The following PACRG variants were observed in gnomAD, a reference collection of about 807,000 sequenced individuals.
PACRG encodes the protein parkin coregulated.
Under a neutral mutation model 29.7 loss-of-function variants are expected in PACRG, and 29 were observed. The observed-to-expected ratio is 0.98, with a 90% CI of 0.73 to 1.33. PACRG has a LOEUF of 1.33. PACRG is among the 40% of genes most tolerant of loss of function. The pLI, the probability that PACRG is intolerant of heterozygous loss-of-function variation, is 0.00. For synonymous variants in PACRG, 116 were observed against 118.7 expected, an observed-to-expected ratio of 0.98 and a Z score of 0.15; for missense variants, 279 against 316.2, an observed-to-expected ratio of 0.88 and a Z score of 0.89.
intron 2 of PACRG, among the ~76,000 whole-genome samples, chr6:163,056,729 C>T (rs1810623093): frequency 6.6e-6 from 1 of 152,160 alleles, no homozygotes; most frequent in East Asian, 1.9e-4. Flanking sequence ...CTGAAAATCT[C>T]AGAGGCATTC....
intron 2 of PACRG, among the ~76,000 whole-genome samples, chr6:162,829,309 A>G (rs558952416): frequency 6.6e-6 from 1 of 152,368 alleles, no homozygotes; most frequent in African/African-American, 2.4e-5. Context: ...CAGCTCATGA[A>G]CTTTTTTGGG....
At chr6:163,253,944 G>C (rs1252178396) in intron 4 of PACRG, among the ~76,000 whole-genome samples, 1 of 152,192 alleles carries the variant, frequency 6.6e-6, no homozygotes, top group East Asian at 1.9e-4. Flanking sequence ...GGGGAGCCAG[G>C]GTGGACGGCT....
chr6:163,001,312 A>G (rs1804569185), intron 2 of PACRG, among the ~76,000 whole-genome samples: 1 of 152,234 alleles, frequency 6.6e-6, no homozygotes, highest in East Asian at 1.9e-4. Context: ...GCTACTGGCC[A>G]CGGGGAGATC....
intron 2 of PACRG, among the ~76,000 whole-genome samples, chr6:163,010,354 C>T (rs1209702814): frequency 3.9e-5 from 6 of 152,176 alleles, no homozygotes; most frequent in South Asian, 2.1e-4. Context: ...GAATTGAGGA[C>T]GTCATGCTGA....
intron 2 of PACRG, among the ~76,000 whole-genome samples, chr6:162,992,088 G>A (rs1803479924): frequency 7.0e-6 from 1 of 143,310 alleles, no homozygotes; most frequent in Admixed American, 6.7e-5. Flanking sequence ...CAGGGATGAA[G>A]CCCACTTGAT....
chr6:162,895,935 T>C (rs1795132741), intron 2 of PACRG, among the ~76,000 whole-genome samples: 1 of 152,254 alleles, frequency 6.6e-6, no homozygotes, highest in African/African-American at 2.4e-5. Flanking sequence ...GATAGCTGAA[T>C]GTTTCAGCCA....
intron 4 of PACRG, among the ~76,000 whole-genome samples, chr6:163,255,255 G>A (rs1012418575): frequency 6.6e-6 from 1 of 152,180 alleles, no homozygotes; most frequent in Non-Finnish European, 1.5e-5. Context: ...AGAAGAAACT[G>A]CAATTTAGGT....
chr6:163,123,397 G>T (rs1300916470), intron 4 of PACRG, among the ~76,000 whole-genome samples: 1 of 152,234 alleles, frequency 6.6e-6, no homozygotes, highest in Non-Finnish European at 1.5e-5. Flanking sequence ...TGCCAGCCTG[G>T]TTTTTCAAGC....
At chr6:163,139,676 T>C (rs928387972) in intron 4 of PACRG, among the ~76,000 whole-genome samples, 1 of 151,460 alleles carries the variant, frequency 6.6e-6, no homozygotes, top group Non-Finnish European at 1.5e-5. Flanking sequence ...CTTAATCCCT[T>C]AGTCTATTAG....
At chr6:162,755,497 G>T (rs1781842666) in intron 1 of PACRG, among the ~76,000 whole-genome samples, 1 of 151,942 alleles carries the variant, frequency 6.6e-6, no homozygotes, top group Non-Finnish European at 1.5e-5. Flanking sequence ...GTGCAGTGGT[G>T]CAATCTCGGC....
At chr6:163,096,350 C>T (rs1814584792) in intron 4 of PACRG, among the ~76,000 whole-genome samples, 1 of 129,618 alleles carries the variant, frequency 7.7e-6, no homozygotes, top group African/African-American at 3.2e-5. Context: ...GGGCAGGAGG[C>T]TCAGGCCACT....
intron 2 of PACRG, among the ~76,000 whole-genome samples, chr6:162,893,916 GACTC>G (rs1794972564): frequency 1.3e-5 from 2 of 152,190 alleles, no homozygotes; most frequent in Admixed American, 6.5e-5. Flanking sequence ...CATTGCCCCA[GACTC>G]ACTCTTAGTG....
At chr6:163,130,094 A>G (rs1816674371) in intron 4 of PACRG, among the ~76,000 whole-genome samples, 1 of 152,206 alleles carries the variant, frequency 6.6e-6, no homozygotes, top group African/African-American at 2.4e-5. Flanking sequence ...CAAAATAAGC[A>G]TTGTCTTAGA....
At chr6:163,181,108 CTG>C (rs1230571910) in intron 4 of PACRG, among the ~76,000 whole-genome samples, 1 of 152,204 alleles carries the variant, frequency 6.6e-6, no homozygotes, top group Non-Finnish European at 1.5e-5. Context: ...GTGCGGGCAC[CTG>C]TGTGGGATAG....
intron 1 of PACRG, among the ~76,000 whole-genome samples, chr6:162,764,275 A>G (rs943117210): frequency 1.3e-5 from 2 of 152,080 alleles, no homozygotes; most frequent in African/African-American, 4.8e-5. Context: ...ACTCCATCAC[A>G]AAAAAAGGGG....
chr6:162,967,569 C>T (rs1801148725), intron 2 of PACRG, among the ~76,000 whole-genome samples: 2 of 150,204 alleles, frequency 1.3e-5, no homozygotes, highest in Admixed American at 1.3e-4. Flanking sequence ...TGCAGTGTTG[C>T]GATCTCGGCT....
At chr6:163,108,658 G>A (rs1815536308) in intron 4 of PACRG, among the ~76,000 whole-genome samples, 1 of 152,012 alleles carries the variant, frequency 6.6e-6, no homozygotes, top group Non-Finnish European at 1.5e-5. Context: ...CAAAGTGCTG[G>A]GATTATAGGC....
At chr6:163,015,892 A>C (rs111744419) in intron 2 of PACRG, among the ~76,000 whole-genome samples, 7,418 of 152,256 alleles carry the variant, frequency 0.049, 615 homozygotes, top group African/African-American at 0.17. Flanking sequence ...GAGTGACTAG[A>C]AATTACATTT....
At chr6:162,839,246 C>T (rs1167841795) in intron 2 of PACRG, among the ~76,000 whole-genome samples, 4 of 95,666 alleles carry the variant, frequency 4.2e-5, no homozygotes. Context: ...ACATCCTCTC[C>T]AGCACCTGTT....
Sources: gnomAD v4.1 joint callset for allele counts (sites outside exome capture counted in the v4.1 genomes callset) on GRCh38, gnomAD v4.1.1 for gene constraint, MANE v1.5 for transcripts, NCBI Gene and HGNC (gene_info 2026-07-23, HGNC 2026-07-21) for gene names.